Variants in ZNF112 observed in about 807,000 individuals in gnomAD.
ZNF112 encodes zinc finger protein 112.
ZNF112 carries 37 observed loss-of-function variants against 77.7 expected under a neutral mutation model. The observed-to-expected ratio is 0.48, with a 90% CI of 0.37 to 0.63. ZNF112 has a LOEUF of 0.63. ZNF112 is among the 20% of genes least tolerant of loss of function. The pLI is 0.00. For synonymous variants in ZNF112, 333 were observed against 363.6 expected, an observed-to-expected ratio of 0.92 and a Z score of 0.96; for missense variants, 950 against 1,077.4, an observed-to-expected ratio of 0.88 and a Z score of 1.66.
intron 3 of ZNF112, among the ~76,000 whole-genome samples, chr19:44,334,802 C>T (rs1442397685): frequency 6.6e-6 from 1 of 152,230 alleles, no homozygotes; most frequent in Non-Finnish European, 1.5e-5. Context: ...GAACCTCTGC[C>T]CAGATTTCAG....
At chr19:44,357,527 A>G (rs1970805418), upstream of ZNF112, among the ~76,000 whole-genome samples, 3 of 152,122 alleles carry the variant, frequency 2.0e-5, no homozygotes, top group Non-Finnish European at 4.4e-5. Flanking sequence ...ACCTACCATA[A>G]TGTGTTTGTT....
chr19:44,352,732 A>G (rs959060493), intron 1 of ZNF112, among the ~76,000 whole-genome samples: 5 of 152,136 alleles, frequency 3.3e-5, no homozygotes, highest in African/African-American at 9.6e-5. Flanking sequence ...TTTTAAAACA[A>G]TATGATTTAA....
At chr19:44,341,594 G>C (rs973560798) in intron 1 of ZNF112, among the ~76,000 whole-genome samples, 4 of 152,096 alleles carry the variant, frequency 2.6e-5, no homozygotes, top group Admixed American at 2.6e-4. Context: ...GTAAATTTGG[G>C]AAGTAAAAAT....
At chr19:44,343,316 A>T (rs769961217) in intron 1 of ZNF112, 1 of 1,565,782 alleles carries the variant, frequency 6.4e-7, no homozygotes, top group South Asian at 1.1e-5. Context: ...AGAAGGCAGA[A>T]CAGGGTAATA....
In ZNF112 at chr19:44,329,500, T is replaced by C; in HGVS notation, c.657A>G (p.Val219=). 1 of 1,614,164 alleles carries C rather than the reference T, an allele frequency of 6.2e-7. No homozygotes were observed. Among genetic ancestry groups the C allele is most frequent in the Non-Finnish European group, 8.5e-7 (1 of 1,180,008 alleles). ...WLSHHNDKLE[V]HRKENYSCHD... Reference sequence around the variant, plus strand: ...GGCAGCTGTAGTTTTCTTTTCTGTGTACTTCCAGTTTATCATTGTGATGTG... The same window carrying C: ...GGCAGCTGTAGTTTTCTTTTCTGTGCACTTCCAGTTTATCATTGTGATGTG... Residue 219 remains valine, a synonymous_variant, in exon 4 of 4, where the codon GTA becomes GTG. Transcript: ENST00000354340.
At chr19:44,337,344 A>G (rs1483783356) in intron 2 of ZNF112, among the ~76,000 whole-genome samples, 1 of 70,256 alleles carries the variant, frequency 1.4e-5, no homozygotes, top group Admixed American at 2.5e-4. Context: ...TACATTTTGT[A>G]TATGTGTAAA....
intron 1 of ZNF112, among the ~76,000 whole-genome samples, chr19:44,351,822 A>C (rs1285822160): frequency 6.6e-6 from 1 of 152,126 alleles, no homozygotes; most frequent in Non-Finnish European, 1.5e-5. Flanking sequence ...CAAAATCAAG[A>C]ATGAAAGAAG....
rs1477212289 is a variant in ZNF112, at chr19:44,341,201, CATTATT to C, written c.-3-665_-3-660del. The C allele has an allele frequency of 1.1e-5, 5 of 456,496 alleles. No homozygotes were observed. In the East Asian group the frequency reaches 3.5e-4, roughly 32 times the overall value. 28.3% of individuals were successfully genotyped at this position (456,496 alleles called of 1,614,324 possible). On this transcript the variant is annotated intron_variant, in intron 1 of 3. Coordinates refer to ENST00000354340, the MANE Select transcript of ZNF112 (RefSeq NM_013380.4). ...GTAAGTACCCAACAAATGTTAGCTA[CATTATT>C]AATATTTTCATTATATCTTCTATCC... is the stretch of plus-strand genomic sequence containing the variant.
intron 1 of ZNF112, among the ~76,000 whole-genome samples, chr19:44,348,865 T>C (rs1395747252): frequency 6.6e-6 from 1 of 152,040 alleles, no homozygotes; most frequent in Non-Finnish European, 1.5e-5. Context: ...AAAAAGGACG[T>C]AGTAAACCTA....
In ZNF112 at chr19:44,336,674, C is replaced by T; in HGVS notation, c.169G>A (p.Glu57Lys). The T allele has an allele frequency of 6.2e-7, 1 of 1,614,018 alleles. No individual in the cohort carries two copies. The highest frequency in any genetic ancestry group is 8.5e-7 in the Non-Finnish European group (1 of 1,179,972). Reference protein sequence around the residue: ...KPDLISQLEREEKLLMVETET... With the variant: ...KPDLISQLERKEKLLMVETET... ...GTCTCCACCATCAAAAGCTTTTCTT[C>T]TCTCTCCAGCTGGGATATTAGGTCT... Residue 57 changes from glutamate (E) to lysine (K), a missense_variant, in exon 3 of 4, where the codon GAA becomes AAA. By Grantham distance (56) the Glu-to-Lys change is moderately conservative (BLOSUM62 1). Coordinates refer to ENST00000354340, the MANE Select transcript of ZNF112 (RefSeq NM_013380.4).
rs1244138560 is a variant in ZNF112 at position 44,353,990 on chromosome 19, CTG to C, written c.-4+2634_-4+2635del. On this transcript the variant is annotated intron_variant, in intron 1 of 3. Coordinates refer to ENST00000354340, the MANE Select transcript of ZNF112 (RefSeq NM_013380.4). Reference sequence around the variant, plus strand: ...GTCTATCAACCAGAGAATAGATAAACTGTGATACATCCATAAAGTGGACACTT... The same window carrying C: ...GTCTATCAACCAGAGAATAGATAAACTGATACATCCATAAAGTGGACACTT... Among the ~76,000 whole-genome samples, 9 of 152,210 alleles carry C rather than the reference CTG, an allele frequency of 5.9e-5. No homozygotes were observed. In the East Asian group the frequency reaches 1.7e-3, roughly 29 times the overall value.
At chr19:44,366,751 T>G (rs546138190) in intron 1 of ZNF112, among the ~76,000 whole-genome samples, 1 of 151,462 alleles carries the variant, frequency 6.6e-6, no homozygotes, top group East Asian at 1.9e-4. Context: ...TCTGATTTCT[T>G]CCCAGGCTCA....
chr19:44,358,409 A>G (rs187686724), upstream of ZNF112, among the ~76,000 whole-genome samples: 475 of 152,302 alleles, frequency 3.1e-3, 1 homozygote, highest in African/African-American at 0.011. Flanking sequence ...AGGAAAGATG[A>G]GCAAACTTTT....
intron 1 of ZNF112, among the ~76,000 whole-genome samples, chr19:44,347,484 GAT>G (rs1970612898): frequency 2.0e-4 from 7 of 34,728 alleles, no homozygotes; most frequent in African/African-American, 6.3e-4. Context: ...CTTTTGGGTT[GAT>G]TTTTTTTTTT....
intron 1 of ZNF112, among the ~76,000 whole-genome samples, chr19:44,342,840 A>G (rs1970516870): frequency 6.6e-6 from 1 of 151,554 alleles, no homozygotes; most frequent in Non-Finnish European, 1.5e-5. Context: ...AAAGAAAAAG[A>G]AAAGGGGGAG....
At chr19:44,362,978 A>T (rs558165399) in intron 1 of ZNF112, among the ~76,000 whole-genome samples, 35 of 151,974 alleles carry the variant, frequency 2.3e-4, no homozygotes, top group African/African-American at 6.8e-4. Context: ...ACTAAAAAAA[A>T]TTTTTTTTGA....
chr19:44,366,498 T>C (rs1298190295), intron 1 of ZNF112, among the ~76,000 whole-genome samples: 2 of 152,064 alleles, frequency 1.3e-5, no homozygotes, highest in Non-Finnish European at 2.9e-5. Flanking sequence ...TAAGTCACAC[T>C]CAGTTAAGGT....
chr19:44,337,362 T>TACATTTTG (rs1568665543), intron 2 of ZNF112, among the ~76,000 whole-genome samples: 1 of 30,480 alleles, frequency 3.3e-5, no homozygotes, highest in African/African-American at 1.2e-4. Context: ...AAAATATATA[T>TACATTTTG]TATTATATAT....
At position 44,337,976 on chromosome 19, in the gene ZNF112, T is replaced by TA. The variant is rs145125077; in HGVS notation, c.125-1259dup. ...TTGGCATTAAATACCATTCCCCAGTTAAAAAAAAAAAAAAAAAAAAAGATA... is the reference window on the plus strand; with the variant it reads ...TTGGCATTAAATACCATTCCCCAGTTAAAAAAAAAAAAAAAAAAAAAAGATA... On this transcript the variant is annotated intron_variant, in intron 2 of 3. Transcript: ENST00000354340. Among the ~76,000 whole-genome samples, 97 of 104,504 alleles carry TA rather than the reference T, an allele frequency of 9.3e-4. 3 individuals carry two copies. The highest frequency in any genetic ancestry group is 1.8e-3 in the Non-Finnish European group (90 of 48,814). 68.6% of individuals were successfully genotyped at this position (104,504 alleles called of 152,430 possible).
Sources: allele counts gnomAD v4.1 joint callset (sites outside exome capture counted in the v4.1 genomes callset), GRCh38; gene constraint gnomAD v4.1.1; transcripts MANE v1.5; gene names NCBI Gene and HGNC (gene_info 2026-07-23, HGNC 2026-07-21).